UQCC6: variants seen among roughly 807,000 people sequenced by gnomAD.
UQCC6 encodes protein BRAWNIN.
chr12:103,956,838 G>T, the UQCC6 span: 1 of 771,672 alleles, frequency 1.3e-6, no homozygotes, highest in South Asian at 1.7e-5. Context: ...CGCTGGACAC[G>T]AGACACACGG....
the UQCC6 span, among the ~76,000 whole-genome samples, chr12:103,955,348 C>T: frequency 6.6e-6 from 1 of 150,998 alleles, no homozygotes; most frequent in African/African-American, 2.4e-5. Flanking sequence ...AGTGCAAATA[C>T]AAATGGAGCC....
chr12:103,951,952 T>G, the UQCC6 span, among the ~76,000 whole-genome samples: 4 of 152,354 alleles, frequency 2.6e-5, no homozygotes, highest in South Asian at 8.3e-4. Context: ...CTGCACCATC[T>G]ACTGACTCTC....
chr12:103,953,891 C>T, the UQCC6 span, among the ~76,000 whole-genome samples: 1 of 152,204 alleles, frequency 6.6e-6, no homozygotes, highest in African/African-American at 2.4e-5. Flanking sequence ...TTTTGCAAGG[C>T]CTGCCTGATG....
the UQCC6 span, among the ~76,000 whole-genome samples, chr12:103,960,794 C>T: frequency 6.6e-6 from 1 of 152,046 alleles, no homozygotes; most frequent in African/African-American, 2.4e-5. Flanking sequence ...ACCATGTGTC[C>T]GTGGTGATGC....
At chr12:103,956,498 T>C in the UQCC6 span, 2 of 641,720 alleles carry the variant, frequency 3.1e-6, no homozygotes, top group Non-Finnish European at 5.5e-6. Flanking sequence ...AAGATCACTT[T>C]TGCTGCCACG....
chr12:103,955,014 G>A, the UQCC6 span: 1 of 695,936 alleles, frequency 1.4e-6, no homozygotes, highest in Non-Finnish European at 2.6e-6. Context: ...ACAATTAACT[G>A]ATGTTAAAAA....
the UQCC6 span, chr12:103,955,664 T>TA: frequency 2.4e-6 from 1 of 413,642 alleles, no homozygotes; most frequent in African/African-American, 2.1e-5. Context: ...TAAAAATTTC[T>TA]AAAAAAAGAA....
At chr12:103,954,821 T>G in the UQCC6 span, 1 of 634,822 alleles carries the variant, frequency 1.6e-6, no homozygotes, top group Non-Finnish European at 2.8e-6. Context: ...TCAATTTGAA[T>G]GTTTTACAAG....
At chr12:103,956,678 T>A in the UQCC6 span, 1 of 1,551,688 alleles carries the variant, frequency 6.4e-7, no homozygotes, top group Non-Finnish European at 8.7e-7. Flanking sequence ...CCTGCGCACA[T>A]GGCCAGGAGA....
the UQCC6 span, chr12:103,965,689 C>T: frequency 3.6e-5 from 11 of 302,576 alleles, no homozygotes; most frequent in Non-Finnish European, 6.1e-5. Flanking sequence ...CGGCAGAGCG[C>T]TCCTAGTCCC....
At chr12:103,959,295 G>A in the UQCC6 span, among the ~76,000 whole-genome samples, 1 of 152,154 alleles carries the variant, frequency 6.6e-6, no homozygotes, top group African/African-American at 2.4e-5. Context: ...AAGCTACTAT[G>A]ACCAGTAAAA....
At chr12:103,961,180 T>TAA in the UQCC6 span, among the ~76,000 whole-genome samples, 1 of 148,486 alleles carries the variant, frequency 6.7e-6, no homozygotes, top group East Asian at 2.0e-4. Context: ...TTTTTAAAAG[T>TAA]AAAAAAAAAA....
chr12:103,962,347 A>T, the UQCC6 span, among the ~76,000 whole-genome samples: 4 of 152,302 alleles, frequency 2.6e-5, no homozygotes, highest in African/African-American at 9.6e-5. Context: ...TATTATATTT[A>T]AAAAATATAA....
At chr12:103,955,038 G>C in the UQCC6 span, 1 of 685,144 alleles carries the variant, frequency 1.5e-6, no homozygotes, top group Admixed American at 2.0e-5. Flanking sequence ...AAATGGGCCA[G>C]GCACAGTGGC....
At chr12:103,960,072 G>T in the UQCC6 span, among the ~76,000 whole-genome samples, 3 of 151,946 alleles carry the variant, frequency 2.0e-5, no homozygotes, top group Admixed American at 6.6e-5. Flanking sequence ...ACCATGCCTG[G>T]CTATTTATTT....
chr12:103,957,523 G>T, the UQCC6 span, among the ~76,000 whole-genome samples: 42 of 152,180 alleles, frequency 2.8e-4, no homozygotes, highest in African/African-American at 9.6e-4. Context: ...GAGCATTTGC[G>T]TGCTTTTATG....
chr12:103,959,339 A>G, the UQCC6 span, among the ~76,000 whole-genome samples: 1 of 152,352 alleles, frequency 6.6e-6, no homozygotes, highest in African/African-American at 2.4e-5. Flanking sequence ...AGTCTTTCTG[A>G]GAACATGGGC....
chr12:103,960,219 C>T, the UQCC6 span, among the ~76,000 whole-genome samples: 24 of 152,118 alleles, frequency 1.6e-4, no homozygotes, highest in East Asian at 3.9e-3. Flanking sequence ...TACAGGCAGG[C>T]GCCACCACGC....
the UQCC6 span, among the ~76,000 whole-genome samples, chr12:103,961,588 G>A: frequency 2.6e-5 from 4 of 151,838 alleles, no homozygotes; most frequent in African/African-American, 7.3e-5. Context: ...ACAGAGTCTC[G>A]CTCTGTTGCC....
Sources: allele counts gnomAD v4.1 joint callset (sites outside exome capture counted in the v4.1 genomes callset), GRCh38; gene constraint gnomAD v4.1.1; transcripts MANE v1.5; gene names NCBI Gene and HGNC (gene_info 2026-07-23, HGNC 2026-07-21).